Variants in MEGF11 observed in about 807,000 individuals in gnomAD.
MEGF11 encodes multiple EGF like domains 11.
In MEGF11, 126 loss-of-function variants were observed where a neutral mutation model predicts 146.6. The observed-to-expected ratio is 0.86, with a 90% confidence interval of 0.74 to 1.00. MEGF11 has a LOEUF of 1.00. Among genes scored for constraint, MEGF11 ranks in the 50% least tolerant of loss-of-function variants. The pLI, the probability that MEGF11 is intolerant of heterozygous loss-of-function variation, is 0.00. For missense variants in MEGF11, 1,509 were observed against 1,521.2 expected (o/e 0.99, Z 0.13); for synonymous variants, 532 against 583.4 (o/e 0.91, Z 1.27).
At chr15:66,089,773 T>C (rs1356324739) in intron 5 of MEGF11, among the ~76,000 whole-genome samples, 1 of 152,250 alleles carries the variant, frequency 6.6e-6, no homozygotes, top group Non-Finnish European at 1.5e-5. Context: ...TCTCAATCAT[T>C]GTCAGTGCTT....
chr15:66,098,848 T>C (rs1380512658), intron 4 of MEGF11, among the ~76,000 whole-genome samples: 4 of 152,198 alleles, frequency 2.6e-5, no homozygotes, highest in African/African-American at 4.8e-5. Flanking sequence ...TCTGTGTCTG[T>C]AGTGGGGCTC....
At chr15:66,070,548 A>T (rs1213335008) in intron 5 of MEGF11, among the ~76,000 whole-genome samples, 1 of 152,244 alleles carries the variant, frequency 6.6e-6, no homozygotes, top group Non-Finnish European at 1.5e-5. Flanking sequence ...CCTGTATTCT[A>T]CAAGAGGCTG....
chr15:66,124,411 GAAGT>G (rs1337865729), intron 2 of MEGF11, among the ~76,000 whole-genome samples: 1 of 152,210 alleles, frequency 6.6e-6, no homozygotes, highest in East Asian at 1.9e-4. Context: ...GCAACTCTGT[GAAGT>G]AAGTGGCCCC....
chr15:66,231,667 C>G (rs1380539605), intron 1 of MEGF11, among the ~76,000 whole-genome samples: 2 of 152,218 alleles, frequency 1.3e-5, no homozygotes, highest in Non-Finnish European at 2.9e-5. Flanking sequence ...CCCTTTTGTG[C>G]TCACACCAGC....
chr15:66,245,785 C>G (rs986246883), intron 1 of MEGF11, among the ~76,000 whole-genome samples: 1 of 152,128 alleles, frequency 6.6e-6, no homozygotes, highest in African/African-American at 2.4e-5. Context: ...TAAAAACTAT[C>G]CCATTTACAG....
At chr15:65,913,106 A>C (rs780436834) in intron 20 of MEGF11, among the ~76,000 whole-genome samples, 13 of 152,180 alleles carry the variant, frequency 8.5e-5, no homozygotes, top group Non-Finnish European at 1.9e-4. Flanking sequence ...GAAAGGAAGG[A>C]TATCGCCCAG....
At chr15:65,979,618 G>A (rs1031557718) in intron 7 of MEGF11, among the ~76,000 whole-genome samples, 1 of 152,226 alleles carries the variant, frequency 6.6e-6, no homozygotes, top group African/African-American at 2.4e-5. Flanking sequence ...CTGACTCACT[G>A]CCTGTAAGGG....
intron 5 of MEGF11, among the ~76,000 whole-genome samples, chr15:66,022,675 A>G (rs1046084934): frequency 6.6e-6 from 1 of 152,076 alleles, no homozygotes; most frequent in Admixed American, 6.5e-5. Flanking sequence ...AAATTTTTTA[A>G]AAAATTAGCT....
chr15:66,035,783 A>T (rs2140264565), intron 5 of MEGF11, among the ~76,000 whole-genome samples: 1 of 152,370 alleles, frequency 6.6e-6, no homozygotes, highest in African/African-American at 2.4e-5. Flanking sequence ...AGAGGTAACC[A>T]GCATCCTGGA....
intron 5 of MEGF11, among the ~76,000 whole-genome samples, chr15:66,086,421 G>A (rs1457361394): frequency 2.0e-5 from 3 of 152,176 alleles, no homozygotes; most frequent in African/African-American, 7.2e-5. Flanking sequence ...GAAGCACCAG[G>A]TAACCTATAA....
intron 5 of MEGF11, among the ~76,000 whole-genome samples, chr15:66,011,762 G>T (rs1310685396): frequency 7.2e-6 from 1 of 138,340 alleles, no homozygotes; most frequent in South Asian, 2.5e-4. Context: ...CAACTTAAAT[G>T]GCCAACAATG....
At chr15:65,967,101 T>G (rs560891585) in intron 8 of MEGF11, 1 of 152,356 alleles carries the variant, frequency 6.6e-6, no homozygotes, top group Admixed American at 6.5e-5. Context: ...TTCTTTTTCA[T>G]AAAATGGGAC....
intron 5 of MEGF11, among the ~76,000 whole-genome samples, chr15:66,061,635 T>C (rs913324692): frequency 1.1e-5 from 1 of 93,744 alleles, no homozygotes; most frequent in African/African-American, 4.2e-5. Flanking sequence ...ACCTCTTTTT[T>C]TGAGCCTTTT....
chr15:65,963,821 T>C (rs2080957246), intron 9 of MEGF11, among the ~76,000 whole-genome samples: 1 of 152,216 alleles, frequency 6.6e-6, no homozygotes, highest in Non-Finnish European at 1.5e-5. Context: ...TTTAACTCGT[T>C]AACACTTGCC....
intron 5 of MEGF11, among the ~76,000 whole-genome samples, chr15:65,995,283 A>G (rs977871728): frequency 1.3e-5 from 2 of 152,236 alleles, no homozygotes; most frequent in African/African-American, 4.8e-5. Context: ...TCCATGGGGA[A>G]AGACCAAGTG....
chr15:65,940,425 A>G (rs1422775272), intron 10 of MEGF11, among the ~76,000 whole-genome samples: 1 of 152,200 alleles, frequency 6.6e-6, no homozygotes, highest in Non-Finnish European at 1.5e-5. Flanking sequence ...AAGCGCTAGG[A>G]CAGTGGGACT....
intron 10 of MEGF11, among the ~76,000 whole-genome samples, chr15:65,943,324 T>C (rs2080075225): frequency 6.6e-6 from 1 of 152,164 alleles, no homozygotes; most frequent in South Asian, 2.1e-4. Flanking sequence ...TCTAAACTTC[T>C]GGGAAAACCT....
At chr15:66,024,799 G>A (rs1046810139) in intron 5 of MEGF11, among the ~76,000 whole-genome samples, 1 of 152,190 alleles carries the variant, frequency 6.6e-6, no homozygotes, top group African/African-American at 2.4e-5. Context: ...ATGGGGCCGG[G>A]ACGGGGGCAC....
intron 5 of MEGF11, among the ~76,000 whole-genome samples, chr15:66,041,925 A>G (rs2083996303): frequency 6.6e-6 from 1 of 152,118 alleles, no homozygotes; most frequent in Non-Finnish European, 1.5e-5. Context: ...GCCTGAGTCC[A>G]TGCTCTTAAA....
Sources: allele counts gnomAD v4.1 joint callset (sites outside exome capture counted in the v4.1 genomes callset), GRCh38; gene constraint gnomAD v4.1.1; transcripts MANE v1.5; gene names NCBI Gene and HGNC (gene_info 2026-07-23, HGNC 2026-07-21).